Variants in MPV17L observed in about 807,000 individuals in gnomAD.
MPV17L encodes the protein MPV17 mitochondrial inner membrane protein like.
In MPV17L, 24 loss-of-function variants were observed where a neutral mutation model predicts 25.8. The observed-to-expected ratio is 0.93, with a 90% confidence interval of 0.67 to 1.31. The LOEUF is 1.31. Among genes scored for constraint, MPV17L ranks in the 50% most tolerant of loss-of-function variants. MPV17L has a pLI of 0.00. For missense variants in MPV17L, 250 were observed against 265.6 expected, an observed-to-expected ratio of 0.94 and a Z score of 0.41; for synonymous variants, 102 against 115.3, an observed-to-expected ratio of 0.88 and a Z score of 0.74.
At chr16:15,405,410 G>A (rs1273816956) in intron 2 of MPV17L, among the ~76,000 whole-genome samples, 2 of 149,602 alleles carry the variant, frequency 1.3e-5, no homozygotes, top group East Asian at 2.0e-4. Context: ...AGCCATGTTT[G>A]GATAAGTTTA....
At chr16:15,403,336 T>C (rs1287443664) in intron 2 of MPV17L, among the ~76,000 whole-genome samples, 2 of 124,688 alleles carry the variant, frequency 1.6e-5, no homozygotes, top group African/African-American at 6.3e-5. Flanking sequence ...GCCACTGCAC[T>C]CCAGCCTGGG....
intron 1 of MPV17L, among the ~76,000 whole-genome samples, chr16:15,396,671 A>T (rs9673953): frequency 0.017 from 2,539 of 152,100 alleles, 27 homozygotes; most frequent in Non-Finnish European, 0.027. Context: ...CTGTTCAGAA[A>T]ATCCACGCCT....
intron 1 of MPV17L, among the ~76,000 whole-genome samples, chr16:15,398,466 C>T (rs1331185417): frequency 6.6e-6 from 1 of 152,136 alleles, no homozygotes; most frequent in Non-Finnish European, 1.5e-5. Context: ...GACAGTTTGC[C>T]TGAAACTGAA....
chr16:15,400,029 C>T (rs980674688), intron 1 of MPV17L, among the ~76,000 whole-genome samples: 23 of 152,140 alleles, frequency 1.5e-4, no homozygotes, highest in Admixed American at 1.2e-3. Context: ...GTCTTGAACT[C>T]CCAACCTCAG....
At chr16:15,407,083 T>G (rs761145949) in intron 2 of MPV17L, among the ~76,000 whole-genome samples, 8 of 149,052 alleles carry the variant, frequency 5.4e-5, no homozygotes, top group Non-Finnish European at 1.0e-4. Context: ...AAAAAAAAAT[T>G]AATTTAAAAA....
At chr16:15,400,224 T>C (rs1031103549) in intron 1 of MPV17L, among the ~76,000 whole-genome samples, 2 of 152,200 alleles carry the variant, frequency 1.3e-5, no homozygotes, top group African/African-American at 4.8e-5. Context: ...CTGATTGTTT[T>C]TGTGAATTGT....
In MPV17L at chr16:15,400,869, G is replaced by A. The variant is rs773223372; in HGVS notation, c.381+12G>A. On this transcript the variant is annotated intron_variant, in intron 2 of 3. Coordinates refer to ENST00000396385, the MANE Select transcript of MPV17L (RefSeq NM_001128423.2). ...GGAATACCTATCTGGTAAGATAGGC[G>A]TTTGAAAATGTAATCACTATATTTT... is the stretch of plus-strand genomic sequence containing the variant. 109 of 1,556,600 alleles carry A rather than the reference G, an allele frequency of 7.0e-5. No individual in the cohort carries two copies. Among genetic ancestry groups the A allele is most frequent in the Non-Finnish European group, 8.7e-5 (100 of 1,143,104 alleles).
Position 15,395,941 on chromosome 16 carries a change from A to T in MPV17L, c.44A>T (p.His15Leu). 1 of 1,475,036 alleles carries T rather than the reference A, an allele frequency of 6.8e-7. No homozygotes were observed. Among genetic ancestry groups the T allele is most frequent in the Non-Finnish European group, 8.9e-7 (1 of 1,122,600 alleles). The allele number at this position is 1,475,036 out of a possible 1,614,324, so 91.4% of individuals were successfully genotyped here. Residue 15 changes from histidine to leucine, a missense_variant, in exon 1 of 4, where the codon CAC becomes CTC. His to Leu is a moderately conservative substitution (Grantham distance 99). Coordinates refer to ENST00000396385, the MANE Select transcript of MPV17L (RefSeq NM_001128423.2). ...WPALSRAARR[H>L]PWPTNVLLYG... is the part of the protein sequence containing the mutation. Reference sequence around the variant, plus strand: ...GCGTTGTCGCGCGCGGCCCGGCGCCACCCGTGGCCCACCAACGTGCTGCTT... The same window carrying T: ...GCGTTGTCGCGCGCGGCCCGGCGCCTCCCGTGGCCCACCAACGTGCTGCTT...
rs2050708194 is a variant in MPV17L at position 15,408,955 on chromosome 16, G to A, written c.*843G>A. ...TGCCACGATGCCTAGCTAATTTTTT[G>A]TATTTTTAGTAGAGATGAAGTTTCA... is the stretch of plus-strand genomic sequence containing the variant. On this transcript the variant is annotated 3_prime_UTR_variant, in exon 4 of 4. Transcript: ENST00000396385. 1 of 151,676 alleles carries A rather than the reference G, an allele frequency of 6.6e-6. No individual in the cohort carries two copies. Among genetic ancestry groups the A allele is most frequent in the South Asian group, 2.1e-4 (1 of 4,814 alleles). The allele number at this position is 151,676 out of a possible 1,614,324, so 9.4% of individuals were successfully genotyped here. A position where few individuals can be genotyped will look rare whatever the true frequency, so the allele number is the denominator to read the frequency against.
intron 1 of MPV17L, among the ~76,000 whole-genome samples, chr16:15,396,593 C>G (rs1232990537): frequency 6.6e-6 from 1 of 152,052 alleles, no homozygotes; most frequent in Middle Eastern, 3.2e-3. Context: ...TAAAGGAGAT[C>G]CCAGTTCAAG....
chr16:15,404,950 T>C (rs222907), intron 2 of MPV17L, among the ~76,000 whole-genome samples: 18,828 of 152,120 alleles, frequency 0.12, 1,461 homozygotes, highest in East Asian at 0.38. Context: ...AGGGTTTAAT[T>C]ATTTTTAGCG....
intron 2 of MPV17L, among the ~76,000 whole-genome samples, chr16:15,404,059 T>G (rs2050661311): frequency 6.6e-6 from 1 of 152,088 alleles, no homozygotes; most frequent in Non-Finnish European, 1.5e-5. Flanking sequence ...AAGCTACGAT[T>G]GTGCCACTGC....
rs1436748731 is a variant in MPV17L, at chr16:15,410,701, C to A, written c.*2589C>A. On this transcript the variant is annotated 3_prime_UTR_variant, in exon 4 of 4. Coordinates refer to ENST00000396385, the MANE Select transcript of MPV17L (RefSeq NM_001128423.2). ...TTTAAGCTTAATTTAAGACTATATA[C>A]CTAAAAATTGAGCATATAATTTGTA... 6.6e-6 allele frequency: 1 copy of A among 152,066 alleles called. No individual in the cohort carries two copies. Among genetic ancestry groups the A allele is most frequent in the Non-Finnish European group, 1.5e-5 (1 of 68,020 alleles). The allele number at this position is 152,066 out of a possible 1,614,324, so 9.4% of individuals were successfully genotyped here.
intron 1 of MPV17L, among the ~76,000 whole-genome samples, chr16:15,398,344 T>G (rs957778877): frequency 3.7e-4 from 56 of 151,778 alleles, no homozygotes; most frequent in Non-Finnish European, 6.3e-4. Context: ...CACTTGAGAT[T>G]GTTCTTAATA....
At chr16:15,398,147 A>T (rs2050603264) in intron 1 of MPV17L, among the ~76,000 whole-genome samples, 2 of 151,898 alleles carry the variant, frequency 1.3e-5, no homozygotes, top group South Asian at 4.2e-4. Context: ...AGGTTCAAGC[A>T]ATTCTCCTGC....
Position 15,408,606 on chromosome 16 carries a change from T to TC in MPV17L, c.*494_*495insC, listed in dbSNP as rs992736834. On this transcript the variant is annotated 3_prime_UTR_variant, in exon 4 of 4. Coordinates refer to ENST00000396385, the MANE Select transcript of MPV17L (RefSeq NM_001128423.2). ...TTTGTTATTTTAGTAAATACCTTTT[T>TC]TTTTTTTTTTTTTTTTGTGGTGGAG... 3 of 143,876 alleles carry TC rather than the reference T, an allele frequency of 2.1e-5. No homozygotes were observed. Among genetic ancestry groups the TC allele is most frequent in the Non-Finnish European group, 4.6e-5 (3 of 65,758 alleles). 8.9% of individuals were successfully genotyped at this position (143,876 alleles called of 1,614,324 possible).
intron 2 of MPV17L, among the ~76,000 whole-genome samples, chr16:15,402,126 G>C (rs571031753): frequency 1.3e-5 from 2 of 152,230 alleles, no homozygotes; most frequent in African/African-American, 4.8e-5. Flanking sequence ...AGAAGGAGAA[G>C]GTTTCCAAGG....
At position 15,396,173 on chromosome 16, in the gene MPV17L, C is replaced by T. The variant is rs760947247; in HGVS notation, c.276C>T (p.Val92=). The change falls in exon 1 of 4, where the codon GTC becomes GTT. Residue 92 remains valine, a synonymous_variant. Coordinates refer to ENST00000396385, the MANE Select transcript of MPV17L (RefSeq NM_001128423.2). ...CCAAGTTGCTGTGCGACCAGGTGGT[C>T]GGTGCGCCCATCGCGGTCTCGGCCT... ...LLAKLLCDQV[V]GAPIAVSAFY... is the part of the protein sequence containing the mutation. The T allele has an allele frequency of 1.3e-5, 20 of 1,550,160 alleles. 1 individual carries two copies. In the South Asian group the frequency reaches 2.0e-4, roughly 16 times the overall value.
chr16:15,395,790 T>C lies in MPV17L; in HGVS notation c.-108T>C. On this transcript the variant is annotated 5_prime_UTR_variant, in exon 1 of 4. Transcript: ENST00000396385. ...AGCTTCTGGAGGGGGCAGATGCAGGTGCCGGCTGCTGCAGTGCAGTAGCTG... is the reference window on the plus strand; with the variant it reads ...AGCTTCTGGAGGGGGCAGATGCAGGCGCCGGCTGCTGCAGTGCAGTAGCTG... The C allele has an allele frequency of 9.8e-7, 1 of 1,019,058 alleles. No individual in the cohort carries two copies. Among genetic ancestry groups the C allele is most frequent in the Non-Finnish European group, 1.3e-6 (1 of 760,446 alleles). 63.1% of individuals were successfully genotyped at this position (1,019,058 alleles called of 1,614,324 possible).
Sources: gnomAD v4.1 joint callset for allele counts (sites outside exome capture counted in the v4.1 genomes callset) on GRCh38, gnomAD v4.1.1 for gene constraint, MANE v1.5 for transcripts, NCBI Gene and HGNC (gene_info 2026-07-23, HGNC 2026-07-21) for gene names.